CPQ: variants seen among roughly 807,000 people sequenced by gnomAD.
CPQ encodes carboxypeptidase Q.
CPQ carries 37 observed loss-of-function variants against 45.7 expected under a neutral mutation model. The observed-to-expected ratio is 0.81, with a 90% CI of 0.62 to 1.07. CPQ has a LOEUF of 1.07. Among genes scored for constraint, CPQ ranks in the 50% least tolerant of loss-of-function variants. The pLI is 0.00. For synonymous variants in CPQ, 186 were observed against 205.8 expected, an observed-to-expected ratio of 0.90 and a Z score of 0.82; for missense variants, 537 against 572.9, an observed-to-expected ratio of 0.94 and a Z score of 0.64.
At chr8:97,077,498 C>G (rs950393420) in intron 7 of CPQ, among the ~76,000 whole-genome samples, 1 of 152,174 alleles carries the variant, frequency 6.6e-6, no homozygotes, top group Non-Finnish European at 1.5e-5. Context: ...AATACTACAT[C>G]TTTACATTTG....
chr8:96,910,866 A>G (rs977845386), intron 4 of CPQ, among the ~76,000 whole-genome samples: 5 of 152,044 alleles, frequency 3.3e-5, no homozygotes, highest in Non-Finnish European at 7.4e-5. Context: ...AAGGTCAAGT[A>G]TCTTGTTGAA....
chr8:96,702,385 G>T (rs571672820), intron 1 of CPQ, among the ~76,000 whole-genome samples: 1 of 152,184 alleles, frequency 6.6e-6, no homozygotes, highest in Admixed American at 6.6e-5. Context: ...AAGAAAAGGG[G>T]TGGGTAGAGA....
At chr8:96,700,420 A>G (rs1809441935) in intron 1 of CPQ, among the ~76,000 whole-genome samples, 1 of 152,038 alleles carries the variant, frequency 6.6e-6, no homozygotes. Flanking sequence ...TAGTTATGAG[A>G]TACCCCATTT....
At chr8:96,696,298 G>T (rs1007087884) in intron 1 of CPQ, among the ~76,000 whole-genome samples, 1 of 151,862 alleles carries the variant, frequency 6.6e-6, no homozygotes, top group African/African-American at 2.4e-5. Context: ...TTGTGGGGTG[G>T]GGGGAGTGGG....
chr8:96,952,191 C>A (rs1301134031), intron 4 of CPQ, among the ~76,000 whole-genome samples: 1 of 152,012 alleles, frequency 6.6e-6, no homozygotes. Flanking sequence ...AAAAAGCAGT[C>A]AAAAGTAGCT....
chr8:97,092,629 T>C lies in CPQ; in HGVS notation c.1255+26419T>C, dbSNP rs532269803. 2.0e-5 allele frequency: 3 copies of C among 152,236 alleles called. No individual in the cohort carries two copies. In the East Asian group the frequency reaches 5.8e-4, roughly 29 times the overall value. 9.4% of individuals were successfully genotyped at this position (152,236 alleles called of 1,614,324 possible). ...TAACTGACTAGCCATATGCAGAAGA[T>C]TGAAACTGGACTCCTTCCTCTCACC... On this transcript the variant is annotated intron_variant, in intron 7 of 7. Coordinates refer to ENST00000220763, the MANE Select transcript of CPQ (RefSeq NM_016134.4).
chr8:96,951,825 C>T (rs1167274219), intron 4 of CPQ, among the ~76,000 whole-genome samples: 6 of 151,614 alleles, frequency 4.0e-5, no homozygotes, highest in African/African-American at 7.2e-5. Context: ...TTTTCAGCTT[C>T]CCAAGTGAAT....
intron 5 of CPQ, among the ~76,000 whole-genome samples, chr8:97,009,501 A>G (rs899962149): frequency 2.6e-5 from 4 of 152,138 alleles, no homozygotes; most frequent in African/African-American, 7.2e-5. Context: ...TAAGATTTCT[A>G]TATCTTTTCT....
intron 7 of CPQ, among the ~76,000 whole-genome samples, chr8:97,112,081 C>T (rs1031110432): frequency 3.3e-5 from 5 of 152,086 alleles, no homozygotes; most frequent in Non-Finnish European, 5.9e-5. Context: ...ACTCTGTCCT[C>T]ACCTCCCATT....
intron 6 of CPQ, among the ~76,000 whole-genome samples, chr8:97,055,908 T>C (rs570194062): frequency 6.6e-6 from 1 of 152,240 alleles, no homozygotes; most frequent in African/African-American, 2.4e-5. Context: ...AAGACCAGCC[T>C]GGGCAACCTG....
At chr8:96,902,300 T>C (rs1019341361) in intron 4 of CPQ, among the ~76,000 whole-genome samples, 1 of 152,216 alleles carries the variant, frequency 6.6e-6, no homozygotes, top group Non-Finnish European at 1.5e-5. Context: ...CCAATATTAT[T>C]ATCAAAACTA....
chr8:96,850,281 G>A (rs866701624), intron 3 of CPQ, among the ~76,000 whole-genome samples: 1 of 152,118 alleles, frequency 6.6e-6, no homozygotes, highest in South Asian at 2.1e-4. Flanking sequence ...CCTCAGCAGG[G>A]GAAGGGCCTA....
intron 1 of CPQ, among the ~76,000 whole-genome samples, chr8:96,773,359 C>CA (rs1251929745): frequency 6.6e-6 from 1 of 151,954 alleles, no homozygotes; most frequent in Non-Finnish European, 1.5e-5. Context: ...GTGACAGACA[C>CA]AAAAATGGTA....
chr8:96,912,541 A>G (rs1812681232), intron 4 of CPQ, among the ~76,000 whole-genome samples: 1 of 152,238 alleles, frequency 6.6e-6, no homozygotes. Context: ...ACTCAGGGGC[A>G]TATAAACAGG....
intron 7 of CPQ, among the ~76,000 whole-genome samples, chr8:97,069,264 G>T (rs993207097): frequency 6.6e-6 from 1 of 151,982 alleles, no homozygotes; most frequent in Non-Finnish European, 1.5e-5. Flanking sequence ...GTTATCCTTT[G>T]ATATTTCAAA....
intron 1 of CPQ, among the ~76,000 whole-genome samples, chr8:96,710,845 A>G (rs1338404418): frequency 6.6e-6 from 1 of 152,196 alleles, no homozygotes; most frequent in Non-Finnish European, 1.5e-5. Context: ...AATATTCTGT[A>G]AATATTATTA....
At chr8:96,746,229 T>C (rs1271075005) in intron 1 of CPQ, among the ~76,000 whole-genome samples, 1 of 152,254 alleles carries the variant, frequency 6.6e-6, no homozygotes, top group Non-Finnish European at 1.5e-5. Flanking sequence ...TTTGAAATAC[T>C]GGAGCCAAGC....
intron 3 of CPQ, among the ~76,000 whole-genome samples, chr8:96,850,789 AG>A (rs1430354067): frequency 6.6e-6 from 1 of 151,916 alleles, no homozygotes; most frequent in Non-Finnish European, 1.5e-5. Flanking sequence ...TTATATTTTT[AG>A]TAGAGACAGG....
At chr8:96,728,761 G>A (rs1202193177) in intron 1 of CPQ, among the ~76,000 whole-genome samples, 3 of 152,116 alleles carry the variant, frequency 2.0e-5, no homozygotes, top group Non-Finnish European at 2.9e-5. Flanking sequence ...TTATGGGTAA[G>A]GTCTGAGATT....
Sources: gnomAD v4.1 joint callset for allele counts (sites outside exome capture counted in the v4.1 genomes callset) on GRCh38, gnomAD v4.1.1 for gene constraint, MANE v1.5 for transcripts, NCBI Gene and HGNC (gene_info 2026-07-23, HGNC 2026-07-21) for gene names.